ADCY8: variants seen among roughly 807,000 people sequenced by gnomAD.
ADCY8 encodes adenylate cyclase 8, also known as adenylate cyclase type 8.
Under a neutral mutation model 119.7 loss-of-function variants are expected in ADCY8, and 51 were observed. That is an observed-to-expected ratio of 0.43 (90% CI 0.34 to 0.54). The LOEUF (loss-of-function observed/expected upper bound fraction) is 0.54. Ranked by LOEUF, ADCY8 falls within the 20% of genes least tolerant of loss-of-function variation. ADCY8 has a pLI of 0.03. For missense variants in ADCY8, 1,383 were observed against 1,598.8 expected, an observed-to-expected ratio of 0.87 and a Z score of 2.30; for synonymous variants, 665 against 651.0, an observed-to-expected ratio of 1.02 and a Z score of -0.33.
At chr8:131,035,204 T>G (rs1824112678) in intron 1 of ADCY8, among the ~76,000 whole-genome samples, 1 of 152,116 alleles carries the variant, frequency 6.6e-6, no homozygotes, top group African/African-American at 2.4e-5. Context: ...CTTATTTAAC[T>G]TGGATTGGGT....
At chr8:130,996,597 G>A (rs527416364) in intron 1 of ADCY8, among the ~76,000 whole-genome samples, 77 of 151,928 alleles carry the variant, frequency 5.1e-4, no homozygotes, top group African/African-American at 1.7e-3. Flanking sequence ...TAAAGGGAAA[G>A]AAAATTTTCC....
intron 17 of ADCY8, among the ~76,000 whole-genome samples, chr8:130,782,353 G>A (rs1815109821): frequency 6.6e-6 from 1 of 152,212 alleles, no homozygotes. Flanking sequence ...TAGAGAGGCA[G>A]AGGAGGTAAT....
chr8:130,924,956 C>T (rs1002122395), intron 5 of ADCY8, among the ~76,000 whole-genome samples: 1 of 151,902 alleles, frequency 6.6e-6, no homozygotes, highest in African/African-American at 2.4e-5. Context: ...CACCTGTAAT[C>T]CCAGCACTTT....
rs541460563 is a variant in ADCY8 at position 131,040,047 on chromosome 8, G to A, written c.287C>T (p.Pro96Leu). 5 of 1,547,490 alleles carry A rather than the reference G, an allele frequency of 3.2e-6. No individual in the cohort carries two copies. The East Asian group carries it at 9.6e-5, about 30-fold the overall frequency. Residue 96 changes from proline (P) to leucine (L), a missense_variant, in exon 1 of 18, where the codon CCG becomes CTG. Physicochemically the swap from Pro to Leu is moderately conservative, Grantham distance 98. Transcript: ENST00000286355. Reference sequence around the variant, plus strand: ...GCAGGTGCTGTGCGCTCGCTCTCCCGGGCCCAGCGAGTAGAGGGGCAGCGC... The same window carrying A: ...GCAGGTGCTGTGCGCTCGCTCTCCCAGGCCCAGCGAGTAGAGGGGCAGCGC... ...DSALPLYSLG[P>L]GERAHSTCGT...
chr8:130,925,804 T>C (rs1175207678), intron 5 of ADCY8, among the ~76,000 whole-genome samples: 2 of 152,236 alleles, frequency 1.3e-5, no homozygotes, highest in Non-Finnish European at 2.9e-5. Context: ...GGAACTCAGC[T>C]TTGATGTGTT....
At chr8:130,899,157 C>T (rs1819510161) in intron 7 of ADCY8, among the ~76,000 whole-genome samples, 1 of 152,216 alleles carries the variant, frequency 6.6e-6, no homozygotes, top group African/African-American at 2.4e-5. Flanking sequence ...TGCTTATTTG[C>T]ATGAGAGTCC....
At chr8:130,849,846 C>T (rs772181726) in intron 9 of ADCY8, 43 bp from the exon 10 acceptor site, 1 of 1,535,438 alleles carries the variant, frequency 6.5e-7, no homozygotes, top group Non-Finnish European at 8.9e-7. Context: ...CATCAATTGT[C>T]TGAGCAACAC....
intron 2 of ADCY8, among the ~76,000 whole-genome samples, chr8:130,967,006 T>C (rs1321693971): frequency 2.0e-5 from 3 of 152,204 alleles, no homozygotes; most frequent in African/African-American, 4.8e-5. Flanking sequence ...GGGAAATGAA[T>C]AGACCTCATA....
intron 2 of ADCY8, among the ~76,000 whole-genome samples, chr8:130,985,220 T>C (rs1012793821): frequency 1.3e-5 from 2 of 152,074 alleles, no homozygotes; most frequent in African/African-American, 4.8e-5. Flanking sequence ...GGCAAGGGTA[T>C]AGCAGAATAT....
rs34424673 is a variant in ADCY8 at position 130,901,242 on chromosome 8, CT to C, written c.1911+2529del. ...GTGATTTTTTTTCCCCATCCCTCCT[CT>C]TTTTTTTTTTTTTTTTTTTTACTAG... is the stretch of plus-strand genomic sequence containing the variant. On this transcript the variant is annotated intron_variant, in intron 7 of 17. Coordinates refer to ENST00000286355, the MANE Select transcript of ADCY8 (RefSeq NM_001115.3). 6.9e-3 allele frequency among the ~76,000 whole-genome samples: 801 copies of C among 115,548 alleles called. 3 individuals carry two copies. The highest frequency in any genetic ancestry group is 0.011 in the South Asian group (36 of 3,362). The allele number at this position is 115,548 out of a possible 152,430, so 75.8% of individuals were successfully genotyped here. A position where few individuals can be genotyped will look rare whatever the true frequency, so the allele number is the denominator to read the frequency against.
chr8:130,835,862 G>T lies in ADCY8; in HGVS notation c.2675+415C>A, dbSNP rs145360396. On this transcript the variant is annotated intron_variant, in intron 12 of 17. Coordinates refer to ENST00000286355, the MANE Select transcript of ADCY8 (RefSeq NM_001115.3). Reference sequence around the variant, plus strand: ...AAGTATTTTCAATCTGAAGTTAGTTGAATCCACAATGCTGTGGATATGGAG... The same window carrying T: ...AAGTATTTTCAATCTGAAGTTAGTTTAATCCACAATGCTGTGGATATGGAG... Among the ~76,000 whole-genome samples the T allele has an allele frequency of 9.8e-3, 1,495 of 152,130 alleles. 34 individuals are homozygous for T. Among genetic ancestry groups the T allele is most frequent in the African/African-American group, 0.034 (1,426 of 41,468 alleles).
intron 11 of ADCY8, among the ~76,000 whole-genome samples, chr8:130,842,369 A>G (rs1211086994): frequency 1.3e-5 from 2 of 152,152 alleles, no homozygotes; most frequent in African/African-American, 4.8e-5. Flanking sequence ...CAATCTCCTC[A>G]TCTTTCTCTT....
intron 15 of ADCY8, among the ~76,000 whole-genome samples, chr8:130,785,695 C>A (rs566936137): frequency 2.6e-5 from 4 of 152,234 alleles, no homozygotes; most frequent in Non-Finnish European, 5.9e-5. Context: ...AATTGGTACT[C>A]TTTAAGGAGT....
intron 13 of ADCY8, 53 bp downstream of exon 13, chr8:130,821,289 T>C (rs1816499257): frequency 1.3e-6 from 2 of 1,494,068 alleles, no homozygotes; most frequent in Non-Finnish European, 1.9e-6. Context: ...GCCAGTTTGA[T>C]GGTAACAAGA....
At chr8:130,873,474 A>G (rs2130419137) in intron 8 of ADCY8, among the ~76,000 whole-genome samples, 1 of 152,170 alleles carries the variant, frequency 6.6e-6, no homozygotes, top group Middle Eastern at 3.4e-3. Flanking sequence ...ATGCGCCACC[A>G]CACCCAGCTA....
chr8:131,034,363 T>C (rs188874362), intron 1 of ADCY8, among the ~76,000 whole-genome samples: 1 of 152,148 alleles, frequency 6.6e-6, no homozygotes, highest in East Asian at 1.9e-4. Flanking sequence ...ATTTAAGTGG[T>C]CAGAAATGTG....
At chr8:130,981,082 A>G (rs1012297307) in intron 2 of ADCY8, among the ~76,000 whole-genome samples, 1 of 152,210 alleles carries the variant, frequency 6.6e-6, no homozygotes, top group African/African-American at 2.4e-5. Context: ...ATGAAAAATG[A>G]GTTGAATACT....
At chr8:130,947,864 C>T (rs1393735618) in intron 3 of ADCY8, among the ~76,000 whole-genome samples, 1 of 152,146 alleles carries the variant, frequency 6.6e-6, no homozygotes, top group Non-Finnish European at 1.5e-5. Context: ...TCCACCAGAT[C>T]CATGCCTCTA....
At chr8:130,783,126 A>AT (rs5895056) in intron 17 of ADCY8, among the ~76,000 whole-genome samples, 102,414 of 152,020 alleles carry the variant, frequency 0.67, 35,539 homozygotes, top group African/African-American at 0.81. Flanking sequence ...GGAATGGCAA[A>AT]TATAAAGGAT....
Sources: allele counts gnomAD v4.1 joint callset (sites outside exome capture counted in the v4.1 genomes callset), GRCh38; gene constraint gnomAD v4.1.1; transcripts MANE v1.5; gene names NCBI Gene and HGNC (gene_info 2026-07-23, HGNC 2026-07-21).